Variants in LINGO2 observed in about 807,000 individuals in gnomAD.
The protein encoded by LINGO2 is leucine-rich repeat and immunoglobulin-like domain-containing nogo receptor-interacting protein 2.
In LINGO2, 14 loss-of-function variants were observed where a neutral mutation model predicts 30.6. The observed-to-expected ratio is 0.46, with a 90% CI of 0.30 to 0.72. The LOEUF (loss-of-function observed/expected upper bound fraction) is 0.72. Among genes scored for constraint, LINGO2 ranks in the 30% least tolerant of loss-of-function variants. The probability of loss-of-function intolerance (pLI) is 0.07; values close to 1 mark genes in which losing one functional copy is unlikely to be tolerated. For synonymous variants in LINGO2, 317 were observed against 288.5 expected, an observed-to-expected ratio of 1.10 and a Z score of -1.00; for missense variants, 729 against 751.7, an observed-to-expected ratio of 0.97 and a Z score of 0.35.
chr9:28,583,136 GAT>G (rs1824345875), intron 1 of LINGO2, among the ~76,000 whole-genome samples: 1 of 151,964 alleles, frequency 6.6e-6, no homozygotes. Flanking sequence ...AAGGAAAAGA[GAT>G]ATATAATTTT....
intron 4 of LINGO2, among the ~76,000 whole-genome samples, chr9:28,257,013 C>T (rs943146432): frequency 1.3e-5 from 2 of 151,512 alleles, no homozygotes; most frequent in Admixed American, 6.6e-5. Flanking sequence ...AACATAATTG[C>T]TAATTGCTGC....
chr9:28,625,859 C>T lies in LINGO2; in HGVS notation c.-365+44341G>A, dbSNP rs1826641408. On this transcript the variant is annotated intron_variant, in intron 1 of 5. Coordinates refer to ENST00000379992, the Ensembl canonical transcript of LINGO2. ...TTAGCTTTTGAACTTTGTGTTTTTT[C>T]ATTTGAAAGATATAATTTAATCTTA... Among the ~76,000 whole-genome samples, 3 of 151,946 alleles carry T rather than the reference C, an allele frequency of 2.0e-5. No homozygotes were observed. The South Asian group carries it at 6.2e-4, about 32-fold the overall frequency.
At position 28,381,821 on chromosome 9, in the gene LINGO2, A is replaced by G. The variant is rs1310772031; in HGVS notation, c.-278-8953T>C. On this transcript the variant is annotated intron_variant, in intron 2 of 5. Transcript: ENST00000379992. Reference sequence around the variant, plus strand: ...TCTAACCCGACACTACAATTTGGGGAAGATTTTTGGCCAAATCATTAGAAT... The same window carrying G: ...TCTAACCCGACACTACAATTTGGGGGAGATTTTTGGCCAAATCATTAGAAT... Among the ~76,000 whole-genome samples, 5 of 152,240 alleles carry G rather than the reference A, an allele frequency of 3.3e-5. No homozygotes were observed. The East Asian group carries it at 7.7e-4, about 24-fold the overall frequency.
intron 2 of LINGO2, among the ~76,000 whole-genome samples, chr9:28,397,446 A>G (rs191122760): frequency 8.0e-4 from 119 of 149,650 alleles, no homozygotes; most frequent in African/African-American, 2.8e-3. Flanking sequence ...TCACATTGTT[A>G]TCATTTTTAT....
chr9:28,557,390 G>T (rs1822775234), intron 1 of LINGO2, among the ~76,000 whole-genome samples: 1 of 151,982 alleles, frequency 6.6e-6, no homozygotes, highest in East Asian at 1.9e-4. Flanking sequence ...ACAGACACAT[G>T]AAAAAATGCT....
In LINGO2 at chr9:28,505,075, A is replaced by G. The variant is rs192430664; in HGVS notation, c.-364-29050T>C. 1.1e-3 allele frequency among the ~76,000 whole-genome samples: 164 copies of G among 152,006 alleles called. 1 individual carries two copies. Among genetic ancestry groups the G allele is most frequent in the African/African-American group, 3.8e-3 (159 of 41,528 alleles). ...GAGGGATTTTGATGCCATGCTGAAA[A>G]AATAAAGTTGGCTTTGTGATAGAAG... is the stretch of plus-strand genomic sequence containing the variant. On this transcript the variant is annotated intron_variant, in intron 1 of 5. Coordinates refer to ENST00000379992, the Ensembl canonical transcript of LINGO2.
rs530736661 is a variant in LINGO2 at position 28,169,960 on chromosome 9, A to G, written c.-87+125248T>C. Among the ~76,000 whole-genome samples, 13 of 152,176 alleles carry G rather than the reference A, an allele frequency of 8.5e-5. No homozygotes were observed. In the South Asian group the frequency reaches 2.7e-3, roughly 32 times the overall value. ...GGTATTTAAGGTTACATCCCTTTTG[A>G]CCCACCAGCACTCCCTATTTCATCT... On this transcript the variant is annotated intron_variant, in intron 4 of 5. Coordinates refer to ENST00000379992, the Ensembl canonical transcript of LINGO2.
intron 4 of LINGO2, among the ~76,000 whole-genome samples, chr9:28,189,189 A>G (rs1354711329): frequency 1.3e-5 from 2 of 150,830 alleles, no homozygotes; most frequent in Non-Finnish European, 2.9e-5. Context: ...TAGCCAGAGC[A>G]GTGATCTTTT....
intron 1 of LINGO2, among the ~76,000 whole-genome samples, chr9:28,634,054 A>G (rs62548195): frequency 0.089 from 13,589 of 152,190 alleles, 864 homozygotes; most frequent in Admixed American, 0.22. Flanking sequence ...GGCACAATTA[A>G]ATGAGAGGGG....
the LINGO2 span, among the ~76,000 whole-genome samples, chr9:28,740,971 T>A: frequency 2.6e-5 from 4 of 151,936 alleles, no homozygotes; most frequent in Non-Finnish European, 5.9e-5. Context: ...TGACCTTGAC[T>A]TGGCAGGGGC....
intron 5 of LINGO2, among the ~76,000 whole-genome samples, chr9:27,975,916 G>A (rs1308254774): frequency 1.3e-5 from 2 of 151,990 alleles, no homozygotes; most frequent in Non-Finnish European, 2.9e-5. Flanking sequence ...GTAAAGAAAG[G>A]CAGTTCTTAA....
At chr9:28,476,834 C>T (rs530470347) in intron 1 of LINGO2, among the ~76,000 whole-genome samples, 2 of 152,196 alleles carry the variant, frequency 1.3e-5, no homozygotes, top group Non-Finnish European at 2.9e-5. Context: ...ATGGACAAGT[C>T]AAAAACAGTA....
At chr9:28,089,845 G>T (rs964287532) in intron 4 of LINGO2, among the ~76,000 whole-genome samples, 33 of 151,912 alleles carry the variant, frequency 2.2e-4, no homozygotes, top group Admixed American at 2.2e-3. Context: ...AAAGAGAGAA[G>T]AATCAAATAG....
chr9:28,570,604 T>A lies in LINGO2; in HGVS notation c.-364-94579A>T, dbSNP rs559455007. Among the ~76,000 whole-genome samples, 7 of 138,412 alleles carry A rather than the reference T, an allele frequency of 5.1e-5. No individual in the cohort carries two copies. The South Asian group carries it at 9.2e-4, about 18-fold the overall frequency. The allele number at this position is 138,412 out of a possible 152,430, so 90.8% of individuals were successfully genotyped here. On this transcript the variant is annotated intron_variant, in intron 1 of 5. Coordinates refer to ENST00000379992, the Ensembl canonical transcript of LINGO2. The stretch of plus-strand genomic sequence containing the variant: ...AATAAAGCCAAGGTCACTGAAACAG[T>A]TTGCAAAAAAAAAAACACCGTGTGA...
chr9:28,850,209 C>A, the LINGO2 span, among the ~76,000 whole-genome samples: 1 of 151,870 alleles, frequency 6.6e-6, no homozygotes, highest in Admixed American at 6.6e-5. Context: ...GTAAGCCAGG[C>A]AGAAAAATAT....
chr9:28,064,573 G>T (rs1358628058), intron 4 of LINGO2, among the ~76,000 whole-genome samples: 1 of 152,258 alleles, frequency 6.6e-6, no homozygotes, highest in East Asian at 1.9e-4. Flanking sequence ...CTATCTGTTA[G>T]TAATATCTGG....
At chr9:28,502,760 C>T (rs1819942312) in intron 1 of LINGO2, among the ~76,000 whole-genome samples, 2 of 152,066 alleles carry the variant, frequency 1.3e-5, no homozygotes, top group African/African-American at 4.8e-5. Flanking sequence ...TACAGTGCAA[C>T]AGGCCACTAA....
intron 4 of LINGO2, among the ~76,000 whole-genome samples, chr9:28,285,739 T>C (rs574684040): frequency 2.6e-4 from 39 of 152,214 alleles, no homozygotes; most frequent in African/African-American, 9.4e-4. Flanking sequence ...GAGCTATGAT[T>C]CAAACCCAGG....
intron 5 of LINGO2, among the ~76,000 whole-genome samples, chr9:27,995,493 G>A (rs1412531973): frequency 6.6e-6 from 1 of 152,064 alleles, no homozygotes; most frequent in Non-Finnish European, 1.5e-5. Context: ...CAAAATATTA[G>A]CAAACCAAAT....
Sources: allele counts gnomAD v4.1 joint callset (sites outside exome capture counted in the v4.1 genomes callset), GRCh38; gene constraint gnomAD v4.1.1; transcripts MANE v1.5; gene names NCBI Gene and HGNC (gene_info 2026-07-23, HGNC 2026-07-21).